Variants in UACA observed in about 807,000 individuals in gnomAD.
UACA encodes uveal autoantigen with coiled-coil domains and ankyrin repeats, also known as nuclear membrane binding protein.
A neutral mutation model predicts 160.5 loss-of-function variants in UACA; 112 were observed. The observed-to-expected ratio is 0.70, with a 90% CI of 0.60 to 0.82. UACA has a LOEUF of 0.82. Ranked by LOEUF, UACA falls within the 40% of genes least tolerant of loss-of-function variation. The probability of loss-of-function intolerance (pLI) is 0.00; values close to 1 mark genes in which losing one functional copy is unlikely to be tolerated. For missense variants in UACA, 1,574 were observed against 1,614.6 expected, an observed-to-expected ratio of 0.97 and a Z score of 0.43; for synonymous variants, 557 against 568.4, an observed-to-expected ratio of 0.98 and a Z score of 0.29.
At chr15:70,750,340 T>G (rs2029969047) in intron 1 of UACA, among the ~76,000 whole-genome samples, 1 of 151,718 alleles carries the variant, frequency 6.6e-6, no homozygotes, top group Non-Finnish European at 1.5e-5. Flanking sequence ...AAATGGCCAT[T>G]TTTAAAGCTA....
intron 14 of UACA, chr15:70,671,317 TA>T (rs1352177760): frequency 3.2e-6 from 1 of 314,712 alleles, no homozygotes; most frequent in Non-Finnish European, 5.9e-6. Flanking sequence ...TTTTTTTTCT[TA>T]TTTTTTTCTA....
chr15:70,735,175 T>TTCTCAAAAAAAAAAAAAAAAAAAAGA (rs1899326711), intron 1 of UACA, among the ~76,000 whole-genome samples: 1 of 57,712 alleles, frequency 1.7e-5, no homozygotes, highest in African/African-American at 4.2e-5. Flanking sequence ...AAAAAAAAGA[T>TTCTCAAAAAAAAAAAAAAAAAAAAGA]GGGAACAAAA....
intron 1 of UACA, among the ~76,000 whole-genome samples, chr15:70,762,796 C>T (rs2030849434): frequency 6.6e-6 from 1 of 152,248 alleles, no homozygotes; most frequent in African/African-American, 2.4e-5. Flanking sequence ...CAGCACGGGA[C>T]GTCCACCAGC....
chr15:70,709,072 A>T (rs1187590806), intron 1 of UACA, among the ~76,000 whole-genome samples: 1 of 152,230 alleles, frequency 6.6e-6, no homozygotes, highest in Non-Finnish European at 1.5e-5. Context: ...TTAACAAAAG[A>T]TACCTCTCTG....
intron 1 of UACA, among the ~76,000 whole-genome samples, chr15:70,740,019 A>C (rs758974660): frequency 2.4e-4 from 37 of 152,230 alleles, no homozygotes; most frequent in South Asian, 6.2e-4. Flanking sequence ...TTTTTTAGTA[A>C]GTACAACAAA....
intron 1 of UACA, among the ~76,000 whole-genome samples, chr15:70,712,541 G>A (rs771573996): frequency 6.6e-6 from 1 of 152,094 alleles, no homozygotes; most frequent in Admixed American, 6.5e-5. Flanking sequence ...AATCCTTTCA[G>A]TAGCTTTCTA....
rs976267599 is a variant in UACA, at chr15:70,655,056, A to C, written c.*2000T>G. 6.6e-6 allele frequency: 1 copy of C among 152,218 alleles called. No individual in the cohort carries two copies. The highest frequency in any genetic ancestry group is 1.5e-5 in the Non-Finnish European group (1 of 68,038). The allele number at this position is 152,218 out of a possible 1,614,324, so 9.4% of individuals were successfully genotyped here. A position where few individuals can be genotyped will look rare whatever the true frequency, so the allele number is the denominator to read the frequency against. On this transcript the variant is annotated 3_prime_UTR_variant, in exon 19 of 19. Coordinates refer to ENST00000322954, the MANE Select transcript of UACA (RefSeq NM_018003.4). ...ACTCCCAATGCTCTCACAGACAGTA[A>C]ATAAAATAGTTTAACTCGCAAATCT...
intron 1 of UACA, among the ~76,000 whole-genome samples, chr15:70,715,389 T>TA (rs1898793626): frequency 6.6e-6 from 1 of 152,016 alleles, no homozygotes; most frequent in Non-Finnish European, 1.5e-5. Context: ...TTGATTACAA[T>TA]AAAAACAAAC....
rs768738122 is a variant in UACA, at chr15:70,671,055, T to C, written c.1205A>G (p.Tyr402Cys). The change falls in exon 15 of 19, where the codon TAT becomes TGT. Residue 402 changes from tyrosine (Y) to cysteine (C), a missense_variant. By Grantham distance (194) the Tyr-to-Cys change is radical. Transcript: ENST00000322954. ...EDMLLKQGQM[Y>C]MADSQCTSPG... ...AGTTATTACCTGTGAGTCTGCCATA[T>C]ACATCTGACCTTGTTTAAGAAGCAT... 13 of 1,579,624 alleles carry C rather than the reference T, an allele frequency of 8.2e-6. No individual in the cohort carries two copies. The highest frequency in any genetic ancestry group is 1.9e-5 in the Admixed American group (1 of 53,900).
chr15:70,712,991 T>C (rs1265935269), intron 1 of UACA, among the ~76,000 whole-genome samples: 1 of 152,194 alleles, frequency 6.6e-6, no homozygotes, highest in Non-Finnish European at 1.5e-5. Context: ...CCCATGGAAC[T>C]TGATGTTCTA....
Position 70,669,479 on chromosome 15 carries a change from A to G in UACA, c.1222-17T>C. On this transcript the variant is annotated splice_polypyrimidine_tract_variant and intron_variant, in intron 15 of 18. Transcript: ENST00000322954. ...GGAAGTACACTGAAAAGAAAAAAAA[A>G]AAGACATCAATCACAAAAGCCTAAA... is the stretch of plus-strand genomic sequence containing the variant. 6.6e-7 allele frequency: 1 copy of G among 1,522,970 alleles called. No individual in the cohort carries two copies. The highest frequency in any genetic ancestry group is 8.8e-7 in the Non-Finnish European group (1 of 1,140,010). 94.3% of individuals were successfully genotyped at this position (1,522,970 alleles called of 1,614,324 possible).
At chr15:70,760,161 GAA>G (rs1186494533) in intron 1 of UACA, among the ~76,000 whole-genome samples, 1 of 151,846 alleles carries the variant, frequency 6.6e-6, no homozygotes, top group East Asian at 1.9e-4. Flanking sequence ...ACCCATAGAG[GAA>G]AGAGAAGAAA....
At chr15:70,777,031 A>G in the UACA span, among the ~76,000 whole-genome samples, 1 of 152,190 alleles carries the variant, frequency 6.6e-6, no homozygotes, top group African/African-American at 2.4e-5. Flanking sequence ...GGGAAACCAC[A>G]TCATCGTTTT....
Position 70,745,872 on chromosome 15 carries a change from T to C in UACA, c.78+17458A>G, listed in dbSNP as rs569223401. 1.1e-3 allele frequency among the ~76,000 whole-genome samples: 165 copies of C among 152,302 alleles called. 1 individual carries two copies. Among genetic ancestry groups the C allele is most frequent in the African/African-American group, 4.0e-3 (165 of 41,560 alleles). ...AACAGGCAGTGGGGAAAGGATTCCCTACTTAATAAATGGTGTTGGGAAAAC... is the reference window on the plus strand; with the variant it reads ...AACAGGCAGTGGGGAAAGGATTCCCCACTTAATAAATGGTGTTGGGAAAAC... On this transcript the variant is annotated intron_variant, in intron 1 of 18. Transcript: ENST00000322954.
At position 70,684,442 on chromosome 15, in the gene UACA, C is replaced by A; in HGVS notation, c.607G>T (p.Ala203Ser). 19 of 1,603,616 alleles carry A rather than the reference C, an allele frequency of 1.2e-5. No homozygotes were observed. The highest frequency in any genetic ancestry group is 1.6e-5 in the Non-Finnish European group (19 of 1,176,766). ...VNSRDKQNRT[A>S]LMLGCEYGCR... ...CCATATTCGCAACCTAGCATGAGGG[C>A]AGTTCTAAATGGAAAAATGGAAGAG... Residue 203 changes from alanine (A) to serine (S), a missense_variant, in exon 8 of 19, where the codon GCC becomes TCC. Transcript: ENST00000322954.
chr15:70,756,186 T>A (rs78521518), intron 1 of UACA, among the ~76,000 whole-genome samples: 27,680 of 151,416 alleles, frequency 0.18, 3,849 homozygotes, highest in African/African-American at 0.4. Flanking sequence ...TTTTTTTTTT[T>A]GATGGAGTCT....
At position 70,667,958 on chromosome 15, in the gene UACA, CT is replaced by C. The variant is rs1474040206; in HGVS notation, c.2725del (p.Arg909GlufsTer10). 3.7e-6 allele frequency: 6 copies of C among 1,607,502 alleles called. No homozygotes were observed. The Admixed American group carries it at 8.5e-5, about 23-fold the overall frequency. ...KIKDKNEILK[R>X]NLENTQNQIK... Reference sequence around the variant, plus strand: ...TTGGTTCTGAGTGTTTTCCAGGTTTCTTTTTAATATTTCATTCTTATCTTTT... The same window carrying C: ...TTGGTTCTGAGTGTTTTCCAGGTTTCTTTTAATATTTCATTCTTATCTTTT... On this transcript the variant is annotated frameshift_variant, in exon 16 of 19. Transcript: ENST00000322954. LOFTEE classifies it high-confidence loss of function.
At chr15:70,760,891 C>A (rs1320342102) in intron 1 of UACA, among the ~76,000 whole-genome samples, 2 of 151,072 alleles carry the variant, frequency 1.3e-5, no homozygotes, top group Admixed American at 6.6e-5. Context: ...AAACTTTGAA[C>A]AGACTTCTAT....
At chr15:70,698,901 C>T (rs1002727365) in intron 2 of UACA, among the ~76,000 whole-genome samples, 30 of 152,096 alleles carry the variant, frequency 2.0e-4, no homozygotes, top group Admixed American at 1.9e-3. Flanking sequence ...GGGGAGAAGA[C>T]AGACACATCG....
Sources: allele counts gnomAD v4.1 joint callset (sites outside exome capture counted in the v4.1 genomes callset), GRCh38; gene constraint gnomAD v4.1.1; transcripts MANE v1.5; gene names NCBI Gene and HGNC (gene_info 2026-07-23, HGNC 2026-07-21).